The following TRHDE variants were observed in gnomAD, a reference collection of about 807,000 sequenced individuals.
The protein encoded by TRHDE is thyrotropin releasing hormone degrading enzyme, also known as thyrotropin-releasing hormone-degrading ectoenzyme.
TRHDE carries 72 observed loss-of-function variants against 125.7 expected under a neutral mutation model. The observed-to-expected ratio is 0.57, with a 90% CI of 0.47 to 0.70. The LOEUF (loss-of-function observed/expected upper bound fraction) is 0.70, where lower values mean the gene tolerates loss of function less well. Ranked by LOEUF, TRHDE falls within the 30% of genes least tolerant of loss-of-function variation. The pLI is 0.00. For missense variants in TRHDE, 1,110 were observed against 1,327.1 expected (o/e 0.84, Z 2.54); for synonymous variants, 509 against 509.1 (o/e 1.00, Z 0.00).
chr12:72,606,816 A>G (rs1402904646), intron 12 of TRHDE, among the ~76,000 whole-genome samples: 1 of 152,134 alleles, frequency 6.6e-6, no homozygotes, highest in African/African-American at 2.4e-5. Context: ...TATTTCATCC[A>G]TGTCCCCATC....
chr12:72,330,492 G>A (rs964401420), intron 2 of TRHDE, among the ~76,000 whole-genome samples: 4 of 152,166 alleles, frequency 2.6e-5, no homozygotes, highest in Admixed American at 2.0e-4. Flanking sequence ...CTCTCACGGC[G>A]ATGGGAGAGC....
chr12:72,621,894 GCTT>G lies in TRHDE; in HGVS notation c.2675+145_2675+147del, dbSNP rs1192195977. The stretch of plus-strand genomic sequence containing the variant: ...AGCAACATTTTGTGTCAGGTTCACA[GCTT>G]CCAAGGCAATAGTGTGAAAGTCACA... On this transcript the variant is annotated intron_variant, in intron 15 of 18. Coordinates refer to ENST00000261180, the MANE Select transcript of TRHDE (RefSeq NM_013381.3). 7 of 613,028 alleles carry G rather than the reference GCTT, an allele frequency of 1.1e-5. No homozygotes were observed. The African/African-American group carries it at 1.4e-4, about 12-fold the overall frequency. 38.0% of individuals were successfully genotyped at this position (613,028 alleles called of 1,614,324 possible).
chr12:72,479,647 G>GTT (rs5799077), intron 5 of TRHDE, among the ~76,000 whole-genome samples: 2,882 of 148,856 alleles, frequency 0.019, 81 homozygotes, highest in African/African-American at 0.064. Context: ...ATTTTTTTTT[G>GTT]TTTTTTTTTA....
rs547680170 is a variant in TRHDE, at chr12:72,119,124, C to T, written n.279+13372C>T. On this transcript the variant is annotated intron_variant and non_coding_transcript_variant, in intron 2 of 4. Transcript: ENST00000548156. ...TGCTTTACTAGTTCCTTTAGATACACCATTAGGTTATCTATTTGAAATTTT... is the reference window on the plus strand; with the variant it reads ...TGCTTTACTAGTTCCTTTAGATACATCATTAGGTTATCTATTTGAAATTTT... 5.7e-3 allele frequency among the ~76,000 whole-genome samples: 873 copies of T among 152,122 alleles called. 4 individuals carry two copies. Among genetic ancestry groups the T allele is most frequent in the African/African-American group, 0.02 (832 of 41,546 alleles).
At chr12:72,140,071 T>C (rs1174900735) in intron 2 of TRHDE, 3 of 152,354 alleles carry the variant, frequency 2.0e-5, no homozygotes, top group East Asian at 3.9e-4. Flanking sequence ...CAAAGCTGTC[T>C]CTTGTGGGGA....
chr12:72,621,751 G>T lies in TRHDE; in HGVS notation c.2675G>T (p.Arg892Ile). The T allele has an allele frequency of 6.3e-7, 1 of 1,595,200 alleles. No individual in the cohort carries two copies. Among genetic ancestry groups the T allele is most frequent in the East Asian group, 2.3e-5 (1 of 43,738 alleles). The stretch of plus-strand genomic sequence containing the variant: ...GATTGGATTTCCAGCAACAGGAACA[G>T]GTAAACTGAGCCAAATCCTGTATTT... The part of the protein sequence containing the change: ...ISDWISSNRN[R>I]IPLNVRDIVY... The change falls in exon 15 of 19, where the codon AGA becomes ATA. Residue 892 changes from arginine to isoleucine, a missense_variant and splice_region_variant. Arg to Ile is a moderately conservative substitution (Grantham distance 97). Transcript: ENST00000261180.
intron 12 of TRHDE, among the ~76,000 whole-genome samples, chr12:72,596,619 A>T (rs542401046): frequency 6.6e-6 from 1 of 152,152 alleles, no homozygotes; most frequent in Non-Finnish European, 1.5e-5. Flanking sequence ...TATACTGAAA[A>T]TTTCGTAATG....
At chr12:72,258,317 A>C (rs1228329877) in intron 2 of TRHDE, 1 of 152,176 alleles carries the variant, frequency 6.6e-6, no homozygotes, top group Non-Finnish European at 1.5e-5. Context: ...GAATAGGCAA[A>C]GCTGGTGCCT....
intron 2 of TRHDE, among the ~76,000 whole-genome samples, chr12:72,344,077 T>C (rs1012471480): frequency 6.6e-6 from 1 of 152,104 alleles, no homozygotes; most frequent in Non-Finnish European, 1.5e-5. Flanking sequence ...ATGAGCTACA[T>C]CTTTATTAAT....
intron 2 of TRHDE, among the ~76,000 whole-genome samples, chr12:72,174,478 CTTA>C (rs1876944970): frequency 1.3e-5 from 2 of 152,152 alleles, no homozygotes; most frequent in African/African-American, 4.8e-5. Flanking sequence ...AAATATGTTT[CTTA>C]TATCATTTTT....
chr12:72,432,685 A>G (rs1874547434), intron 3 of TRHDE, among the ~76,000 whole-genome samples: 1 of 152,170 alleles, frequency 6.6e-6, no homozygotes, highest in Admixed American at 6.6e-5. Context: ...GGAGGAGAAG[A>G]AGCAGGTGAA....
intron 1 of TRHDE, among the ~76,000 whole-genome samples, chr12:72,277,714 A>C (rs1879538731): frequency 6.6e-6 from 1 of 151,924 alleles, no homozygotes; most frequent in African/African-American, 2.4e-5. Flanking sequence ...TGTAATAATG[A>C]CTCACTCAGG....
At chr12:72,125,002 A>G (rs1875680395) in intron 2 of TRHDE, among the ~76,000 whole-genome samples, 1 of 152,196 alleles carries the variant, frequency 6.6e-6, no homozygotes, top group Admixed American at 6.5e-5. Flanking sequence ...TCATTATTGT[A>G]TTCCTAATAT....
chr12:72,117,374 A>G (rs930833415), intron 2 of TRHDE, among the ~76,000 whole-genome samples: 4 of 152,224 alleles, frequency 2.6e-5, no homozygotes, highest in Admixed American at 2.0e-4. Flanking sequence ...TTTGTTGAAA[A>G]TGAGTTCCTT....
At chr12:72,555,521 A>T (rs1869879181) in intron 7 of TRHDE, among the ~76,000 whole-genome samples, 1 of 152,192 alleles carries the variant, frequency 6.6e-6, no homozygotes, top group Non-Finnish European at 1.5e-5. Flanking sequence ...TAGAATTAAA[A>T]TATAAACATT....
intron 10 of TRHDE, among the ~76,000 whole-genome samples, chr12:72,571,974 A>AACACACACACACAC (rs59206098): frequency 0.073 from 9,282 of 127,332 alleles, 603 homozygotes; most frequent in Non-Finnish European, 0.1. Context: ...TGACTCTGCA[A>AACACACACACACAC]ACACACACAC....
At chr12:72,600,872 A>C (rs1038395928) in intron 12 of TRHDE, among the ~76,000 whole-genome samples, 1 of 152,090 alleles carries the variant, frequency 6.6e-6, no homozygotes, top group Non-Finnish European at 1.5e-5. Context: ...GCACCTAGTC[A>C]TCCAAGAGCT....
intron 2 of TRHDE, among the ~76,000 whole-genome samples, chr12:72,299,131 A>G (rs1880412348): frequency 6.6e-6 from 1 of 152,204 alleles, no homozygotes; most frequent in African/African-American, 2.4e-5. Context: ...ATTAACCAAG[A>G]CATTCTGTTG....
chr12:72,117,108 CCATTTTTT>C (rs1176795706), intron 2 of TRHDE, among the ~76,000 whole-genome samples: 4 of 151,948 alleles, frequency 2.6e-5, no homozygotes, highest in Admixed American at 6.6e-5. Flanking sequence ...TCCCATTTTT[CCATTTTTT>C]CATTGGTTGC....
Sources: gnomAD v4.1 joint callset for allele counts (sites outside exome capture counted in the v4.1 genomes callset) on GRCh38, gnomAD v4.1.1 for gene constraint, MANE v1.5 for transcripts, NCBI Gene and HGNC (gene_info 2026-07-23, HGNC 2026-07-21) for gene names.